Variants in FYN observed in about 807,000 individuals in gnomAD.
FYN encodes tyrosine-protein kinase Fyn.
Under a neutral mutation model 70.2 loss-of-function variants are expected in FYN, and 10 were observed. The observed-to-expected ratio is 0.14, with a 90% CI of 0.09 to 0.24. The LOEUF (loss-of-function observed/expected upper bound fraction) is 0.24, where lower values mean the gene tolerates loss of function less well. FYN is among the 10% of genes least tolerant of loss of function. The pLI, the probability that FYN is intolerant of heterozygous loss-of-function variation, is 1.00. For synonymous variants in FYN, 236 were observed against 248.6 expected (o/e 0.95, Z 0.48); for missense variants, 319 against 673.1 (o/e 0.47, Z 5.82).
intron 3 of FYN, among the ~76,000 whole-genome samples, chr6:111,722,508 C>G (rs1327330855): frequency 3.3e-5 from 5 of 152,190 alleles, no homozygotes; most frequent in African/African-American, 1.2e-4. Flanking sequence ...AAAGACCAGA[C>G]AGAAAACACT....
At chr6:111,681,053 A>C (rs1471681304) in intron 12 of FYN, among the ~76,000 whole-genome samples, 2 of 144,654 alleles carry the variant, frequency 1.4e-5, no homozygotes, top group East Asian at 4.0e-4. Context: ...TTTTTGAGAC[A>C]GTCTCACTCT....
At chr6:111,830,666 T>C (rs1025467748) in intron 2 of FYN, among the ~76,000 whole-genome samples, 1 of 151,884 alleles carries the variant, frequency 6.6e-6, no homozygotes, top group Non-Finnish European at 1.5e-5. Context: ...ACTAGATGCA[T>C]GGAGTTAAGA....
At chr6:111,830,421 A>G (rs1772979296) in intron 2 of FYN, among the ~76,000 whole-genome samples, 1 of 152,220 alleles carries the variant, frequency 6.6e-6, no homozygotes. Context: ...GAAGGTGGCC[A>G]AGGAGGTGAG....
intron 3 of FYN, among the ~76,000 whole-genome samples, chr6:111,755,373 G>C (rs1802681644): frequency 6.6e-6 from 1 of 152,128 alleles, no homozygotes; most frequent in East Asian, 1.9e-4. Flanking sequence ...CCTGGAAAAT[G>C]GTTATAACCA....
chr6:111,677,510 T>TAATA (rs1333499577), intron 12 of FYN, among the ~76,000 whole-genome samples: 13 of 152,206 alleles, frequency 8.5e-5, no homozygotes, highest in Non-Finnish European at 1.8e-4. Flanking sequence ...CAGGTGTCTT[T>TAATA]AAAACTAGCC....
chr6:111,773,049 T>C (rs939931885), intron 3 of FYN, among the ~76,000 whole-genome samples: 1 of 151,094 alleles, frequency 6.6e-6, no homozygotes, highest in East Asian at 1.9e-4. Context: ...AGTGTCAAGA[T>C]GTTTGGTACT....
intron 2 of FYN, among the ~76,000 whole-genome samples, chr6:111,806,985 T>C (rs1041293085): frequency 2.0e-4 from 31 of 152,282 alleles, no homozygotes; most frequent in African/African-American, 6.7e-4. Context: ...CTGATTGTCC[T>C]CCACACGCTA....
chr6:111,771,042 A>C (rs529822504), intron 3 of FYN, among the ~76,000 whole-genome samples: 108 of 152,278 alleles, frequency 7.1e-4, no homozygotes, highest in African/African-American at 2.6e-3. Flanking sequence ...ATGATGAAGT[A>C]AGTCTAGAGA....
At chr6:111,851,562 C>T (rs187305814) in intron 1 of FYN, among the ~76,000 whole-genome samples, 1 of 152,190 alleles carries the variant, frequency 6.6e-6, no homozygotes, top group Non-Finnish European at 1.5e-5. Flanking sequence ...ATGATGACCA[C>T]CTGATGATGC....
intron 12 of FYN, among the ~76,000 whole-genome samples, chr6:111,674,891 A>G (rs934693150): frequency 2.0e-5 from 3 of 152,112 alleles, no homozygotes; most frequent in Non-Finnish European, 2.9e-5. Context: ...TGATTTAGGA[A>G]AATTATATAT....
At chr6:111,680,442 T>C (rs1316658140) in intron 12 of FYN, among the ~76,000 whole-genome samples, 1 of 152,264 alleles carries the variant, frequency 6.6e-6, no homozygotes, top group East Asian at 1.9e-4. Flanking sequence ...TACTAGGATT[T>C]TGGATTCCAT....
intron 2 of FYN, among the ~76,000 whole-genome samples, chr6:111,835,418 A>G (rs1163759330): frequency 6.6e-6 from 1 of 152,274 alleles, no homozygotes; most frequent in Non-Finnish European, 1.5e-5. Flanking sequence ...CAAAATCCTA[A>G]GGAAATTGAA....
chr6:111,823,323 T>C (rs971038380), intron 2 of FYN, among the ~76,000 whole-genome samples: 5 of 152,168 alleles, frequency 3.3e-5, no homozygotes, highest in Non-Finnish European at 5.9e-5. Context: ...CTTGTGCTGC[T>C]AGATCATCCT....
chr6:111,723,631 C>T (rs1379218958), intron 3 of FYN, among the ~76,000 whole-genome samples: 2 of 152,220 alleles, frequency 1.3e-5, no homozygotes, highest in African/African-American at 4.8e-5. Context: ...GTGGGGCAGT[C>T]AGACTAACTG....
intron 2 of FYN, among the ~76,000 whole-genome samples, chr6:111,813,237 G>A (rs948295796): frequency 2.6e-5 from 4 of 152,034 alleles, no homozygotes; most frequent in Admixed American, 2.0e-4. Context: ...ATTTTTGAAA[G>A]AGTTCAAAGA....
chr6:111,787,994 G>A (rs1771463055), intron 2 of FYN, among the ~76,000 whole-genome samples: 1 of 152,102 alleles, frequency 6.6e-6, no homozygotes, highest in African/African-American at 2.4e-5. Context: ...CCTTCTCAGA[G>A]CACTTGCTGT....
intron 3 of FYN, among the ~76,000 whole-genome samples, chr6:111,756,872 C>G (rs967012113): frequency 6.6e-6 from 1 of 152,152 alleles, no homozygotes; most frequent in Non-Finnish European, 1.5e-5. Context: ...GCACCATACT[C>G]AATGGTGAAA....
At chr6:111,778,049 C>T (rs1184415114) in intron 3 of FYN, among the ~76,000 whole-genome samples, 2 of 152,210 alleles carry the variant, frequency 1.3e-5, no homozygotes, top group Non-Finnish European at 2.9e-5. Context: ...TGTCTATTAA[C>T]AGCATCCACA....
chr6:111,729,110 T>G (rs1801329530), intron 3 of FYN, among the ~76,000 whole-genome samples: 1 of 152,176 alleles, frequency 6.6e-6, no homozygotes, highest in African/African-American at 2.4e-5. Flanking sequence ...CTTACATTGC[T>G]GATAGAAGAC....
Sources: gnomAD v4.1 joint callset for allele counts (sites outside exome capture counted in the v4.1 genomes callset) on GRCh38, gnomAD v4.1.1 for gene constraint, MANE v1.5 for transcripts, NCBI Gene and HGNC (gene_info 2026-07-23, HGNC 2026-07-21) for gene names.